Variants in RAB3IP observed in about 807,000 individuals in gnomAD.
RAB3IP encodes the protein rab-3A-interacting protein.
In RAB3IP, 36 loss-of-function variants were observed where a neutral mutation model predicts 59.1. The ratio of observed to expected loss-of-function variants is 0.61; its 90% confidence interval spans 0.47 to 0.80. RAB3IP has a LOEUF of 0.80. Among genes scored for constraint, RAB3IP ranks in the 30% least tolerant of loss-of-function variants. The pLI is 0.00. For missense variants in RAB3IP, 511 were observed against 536.0 expected (o/e 0.95, Z 0.46); for synonymous variants, 207 against 191.2 (o/e 1.08, Z -0.68).
intron 8 of RAB3IP, among the ~76,000 whole-genome samples, chr12:69,804,677 G>T (rs1469469044): frequency 1.3e-5 from 2 of 151,982 alleles, no homozygotes; most frequent in Admixed American, 6.6e-5. Context: ...TTTGTATAAG[G>T]TGTAAGGAAG....
chr12:69,775,990 A>G (rs1873862578), intron 3 of RAB3IP, among the ~76,000 whole-genome samples: 1 of 59,910 alleles, frequency 1.7e-5, no homozygotes, highest in Non-Finnish European at 3.5e-5. Flanking sequence ...AAGGAATGGT[A>G]CCAGTTCCTC....
chr12:69,755,641 C>T lies in RAB3IP; in HGVS notation c.233C>T (p.Ala78Val), dbSNP rs756183267. 7.4e-6 allele frequency: 12 copies of T among 1,611,826 alleles called. No homozygotes were observed. The East Asian group carries it at 1.1e-4, about 15-fold the overall frequency. The part of the protein sequence containing the change: ...VYSSPRRLNC[A>V]EISSISFHVT... ...TCATCCCCCAGACGTTTAAATTGTG[C>T]GGAAATATCTAGTATCAGGTAGGAA... The change falls in exon 2 of 11, where the codon GCG becomes GTG. Residue 78 changes from alanine to valine, a missense_variant. Physicochemically the swap from Ala to Val is moderately conservative, Grantham distance 64. Transcript: ENST00000247833.
chr12:69,800,902 A>G (rs1878268123), intron 7 of RAB3IP, among the ~76,000 whole-genome samples: 1 of 152,228 alleles, frequency 6.6e-6, no homozygotes, highest in South Asian at 2.1e-4. Context: ...CAATTAAAGT[A>G]TAAGAAATTT....
chr12:69,745,977 G>A (rs1006311963), intron 1 of RAB3IP, among the ~76,000 whole-genome samples: 22 of 151,998 alleles, frequency 1.4e-4, no homozygotes, highest in African/African-American at 5.3e-4. Context: ...TGTAAAGTAG[G>A]GATAAGAACC....
rs1881812908 is a variant in RAB3IP at position 69,822,115 on chromosome 12, AGC to A, written c.*6670_*6671del. 1 of 151,956 alleles carries A rather than the reference AGC, an allele frequency of 6.6e-6. No individual in the cohort carries two copies. Among genetic ancestry groups the A allele is most frequent in the Admixed American group, 6.6e-5 (1 of 15,252 alleles). The allele number at this position is 151,956 out of a possible 1,614,324, so 9.4% of individuals were successfully genotyped here. A position where few individuals can be genotyped will look rare whatever the true frequency, so the allele number is the denominator to read the frequency against. On this transcript the variant is annotated 3_prime_UTR_variant, in exon 11 of 11. Coordinates refer to ENST00000247833, the MANE Select transcript of RAB3IP (RefSeq NM_022456.5). The stretch of plus-strand genomic sequence containing the variant: ...GTGGTCTCCAGGAGACTTGGCTGGG[AGC>A]TTCTCTTGGAGTCTAGGGTTAGCCA...
chr12:69,765,363 AT>A (rs1872024175), intron 3 of RAB3IP, among the ~76,000 whole-genome samples: 1 of 152,160 alleles, frequency 6.6e-6, no homozygotes, highest in African/African-American at 2.4e-5. Flanking sequence ...GTTGGATCTT[AT>A]TGAAAGCTTT....
rs1592422196 is a variant in RAB3IP at position 69,743,382 on chromosome 12, C to T, written c.-26+4351C>T. ...ACATGCCTCATAAAGACTAGTTTTC[C>T]CTTTCTTTCCTTTTACCTAAGATAA... On this transcript the variant is annotated intron_variant, in intron 1 of 10. Coordinates refer to ENST00000247833, the MANE Select transcript of RAB3IP (RefSeq NM_022456.5). Among the ~76,000 whole-genome samples, 5 of 152,236 alleles carry T rather than the reference C, an allele frequency of 3.3e-5. 2 individuals are homozygous for T. Among genetic ancestry groups the T allele is most frequent in the Admixed American group, 3.3e-4 (5 of 15,294 alleles).
At chr12:69,802,772 T>A (rs573891004) in intron 8 of RAB3IP, among the ~76,000 whole-genome samples, 9 of 152,332 alleles carry the variant, frequency 5.9e-5, no homozygotes, top group African/African-American at 2.2e-4. Context: ...TATTCCCTGT[T>A]ACGCACGTTA....
chr12:69,780,350 A>T (rs1874477683), intron 3 of RAB3IP, among the ~76,000 whole-genome samples: 1 of 152,186 alleles, frequency 6.6e-6, no homozygotes, highest in Non-Finnish European at 1.5e-5. Context: ...GCTTCCCAGT[A>T]ATTTCCTGCA....
Position 69,756,390 on chromosome 12 carries a change from C to T in RAB3IP, c.252-15C>T, listed in dbSNP as rs1286776570. On this transcript the variant is annotated splice_polypyrimidine_tract_variant and intron_variant, in intron 2 of 10. Transcript: ENST00000247833. ...TATGCTGATATTTTCTGAAAAATGT[C>T]TCTCTCCTTTACAGCTTTCATGTTA... is the stretch of plus-strand genomic sequence containing the variant. 6.2e-7 allele frequency: 1 copy of T among 1,610,750 alleles called. No homozygotes were observed. The highest frequency in any genetic ancestry group is 8.5e-7 in the Non-Finnish European group (1 of 1,178,688).
intron 3 of RAB3IP, among the ~76,000 whole-genome samples, chr12:69,768,481 T>A (rs755345610): frequency 9.9e-5 from 15 of 152,112 alleles, no homozygotes; most frequent in Non-Finnish European, 2.1e-4. Context: ...CCTGCTATGC[T>A]ACAGTGTATG....
At position 69,761,347 on chromosome 12, in the gene RAB3IP, G is replaced by A. The variant is rs142255480; in HGVS notation, c.510+4684G>A. 9.8e-3 allele frequency among the ~76,000 whole-genome samples: 1,497 copies of A among 152,242 alleles called. 29 individuals are homozygous for A. Among genetic ancestry groups the A allele is most frequent in the African/African-American group, 0.034 (1,426 of 41,550 alleles). ...TCATCTCTTCAGATAATAAGCTGGG[G>A]CAGATCTGGGGTGCACATTTTGTTT... On this transcript the variant is annotated intron_variant, in intron 3 of 10. Transcript: ENST00000247833.
At chr12:69,767,735 C>G (rs1007369078) in intron 3 of RAB3IP, among the ~76,000 whole-genome samples, 3 of 151,978 alleles carry the variant, frequency 2.0e-5, no homozygotes, top group Non-Finnish European at 2.9e-5. Context: ...GCTGCCAAAC[C>G]AAGCATACAG....
intron 3 of RAB3IP, among the ~76,000 whole-genome samples, chr12:69,770,606 C>T (rs892302621): frequency 2.6e-5 from 4 of 152,132 alleles, no homozygotes; most frequent in African/African-American, 9.7e-5. Context: ...ACTCTGAATC[C>T]ATATCTCTTG....
intron 3 of RAB3IP, among the ~76,000 whole-genome samples, chr12:69,771,042 A>G (rs903742939): frequency 6.6e-6 from 1 of 152,170 alleles, no homozygotes; most frequent in Admixed American, 6.5e-5. Context: ...GATAACCGCT[A>G]TTCTCTGCTC....
At position 69,818,896 on chromosome 12, in the gene RAB3IP, G is replaced by A. The variant is rs1881413767; in HGVS notation, c.*3450G>A. 1.3e-5 allele frequency: 2 copies of A among 152,246 alleles called. No individual in the cohort carries two copies. Among genetic ancestry groups the A allele is most frequent in the East Asian group, 3.9e-4 (2 of 5,178 alleles). 9.4% of individuals were successfully genotyped at this position (152,246 alleles called of 1,614,324 possible). On this transcript the variant is annotated 3_prime_UTR_variant, in exon 11 of 11. Coordinates refer to ENST00000247833, the MANE Select transcript of RAB3IP (RefSeq NM_022456.5). Reference sequence around the variant, plus strand: ...CCTGGGTTAGGTGGTGGGTTTTGGGGTGGTTCATTTGTCATTAAAAGTAAG... The same window carrying A: ...CCTGGGTTAGGTGGTGGGTTTTGGGATGGTTCATTTGTCATTAAAAGTAAG...
At chr12:69,761,333 G>T (rs1419534488) in intron 3 of RAB3IP, among the ~76,000 whole-genome samples, 1 of 152,200 alleles carries the variant, frequency 6.6e-6, no homozygotes, top group Non-Finnish European at 1.5e-5. Flanking sequence ...CATCTCTTCA[G>T]ATAATAAGCT....
At chr12:69,757,698 C>T (rs915412227) in intron 3 of RAB3IP, among the ~76,000 whole-genome samples, 5 of 148,268 alleles carry the variant, frequency 3.4e-5, no homozygotes, top group East Asian at 2.0e-4. Context: ...CTCTCATGAG[C>T]GTAGTATATT....
chr12:69,760,831 CCT>C (rs1871197717), intron 3 of RAB3IP, among the ~76,000 whole-genome samples: 1 of 152,134 alleles, frequency 6.6e-6, no homozygotes, highest in Non-Finnish European at 1.5e-5. Context: ...TTATGAGAGT[CCT>C]CTCTCACTGG....
Sources: gnomAD v4.1 joint callset for allele counts (sites outside exome capture counted in the v4.1 genomes callset) on GRCh38, gnomAD v4.1.1 for gene constraint, MANE v1.5 for transcripts, NCBI Gene and HGNC (gene_info 2026-07-23, HGNC 2026-07-21) for gene names.